The following ENPEP variants were observed in gnomAD, a reference collection of about 807,000 sequenced individuals.
The protein encoded by ENPEP is glutamyl aminopeptidase, also known as AP-A.
In ENPEP, 103 loss-of-function variants were observed where a neutral mutation model predicts 114.5. The ratio of observed to expected loss-of-function variants is 0.90; its 90% CI spans 0.77 to 1.06. The LOEUF (loss-of-function observed/expected upper bound fraction) is 1.06. Ranked by LOEUF, ENPEP falls within the 50% of genes least tolerant of loss-of-function variation. ENPEP has a pLI of 0.00. For synonymous variants in ENPEP, 420 were observed against 422.0 expected, an observed-to-expected ratio of 1.00 and a Z score of 0.06; for missense variants, 1,196 against 1,161.3, an observed-to-expected ratio of 1.03 and a Z score of -0.43.
intron 10 of ENPEP, among the ~76,000 whole-genome samples, chr4:110,526,003 T>C: frequency 6.6e-6 from 1 of 151,994 alleles, no homozygotes; most frequent in Non-Finnish European, 1.5e-5. Context: ...TGGCCGGGCG[T>C]GGTGGTTCAT....
In ENPEP at chr4:110,561,640, T is replaced by A. The variant is rs1373041639; in HGVS notation, c.*82T>A. The A allele has an allele frequency of 2.3e-6, 3 of 1,327,650 alleles. No homozygotes were observed. Among genetic ancestry groups the A allele is most frequent in the Non-Finnish European group, 3.1e-6 (3 of 957,572 alleles). 82.2% of individuals were successfully genotyped at this position (1,327,650 alleles called of 1,614,324 possible). A position where few individuals can be genotyped will look rare whatever the true frequency, so the allele number is the denominator to read the frequency against. ...TTGGTGGCCTAATTTACAAGCACGA[T>A]GGAGAGAGCCTTATAAACAGATAAT... On this transcript the variant is annotated 3_prime_UTR_variant, in exon 20 of 20. Transcript: ENST00000265162.
intron 1 of ENPEP, among the ~76,000 whole-genome samples, chr4:110,484,783 T>C (rs1428186676): frequency 1.4e-5 from 2 of 147,882 alleles, no homozygotes; most frequent in East Asian, 3.9e-4. Flanking sequence ...TATATATATA[T>C]ATTCATATTC....
At chr4:110,518,868 T>G (rs1191797613) in intron 8 of ENPEP, among the ~76,000 whole-genome samples, 1 of 152,174 alleles carries the variant, frequency 6.6e-6, no homozygotes, top group Non-Finnish European at 1.5e-5. Flanking sequence ...TAAATTAATT[T>G]TAAAAGATAT....
chr4:110,533,780 CTA>C (rs1018498433), intron 11 of ENPEP, among the ~76,000 whole-genome samples: 3 of 152,196 alleles, frequency 2.0e-5, no homozygotes, highest in African/African-American at 7.2e-5. Flanking sequence ...ATTGACCTAT[CTA>C]TGTCTCCCCT....
At chr4:110,537,786 A>G (rs1726694888) in intron 11 of ENPEP, among the ~76,000 whole-genome samples, 1 of 152,252 alleles carries the variant, frequency 6.6e-6, no homozygotes, top group Admixed American at 6.5e-5. Context: ...AAGACTTGAA[A>G]GTCATTCCTT....
In ENPEP at chr4:110,491,178, T is replaced by C. The variant is rs754863189; in HGVS notation, c.918+14T>C. On this transcript the variant is annotated intron_variant, in intron 3 of 19. Transcript: ENST00000265162. ...AGTGGAAAACCTGTGAGTCTCATTA[T>C]ATTTTAAAAATTTACCACCTATGCA... 1.9e-6 allele frequency: 3 copies of C among 1,581,132 alleles called. No homozygotes were observed. Among genetic ancestry groups the C allele is most frequent in the African/African-American group, 1.4e-5 (1 of 72,684 alleles).
chr4:110,491,505 T>G (rs1204442028), intron 3 of ENPEP, among the ~76,000 whole-genome samples: 1 of 152,122 alleles, frequency 6.6e-6, no homozygotes, highest in Non-Finnish European at 1.5e-5. Context: ...TGTGTACCTC[T>G]CCCAGATATA....
At chr4:110,516,877 T>C (rs963329238) in intron 8 of ENPEP, among the ~76,000 whole-genome samples, 1 of 152,204 alleles carries the variant, frequency 6.6e-6, no homozygotes, top group South Asian at 2.1e-4. Context: ...CATGAGAACA[T>C]CTTGTAACTT....
At chr4:110,507,137 C>T (rs1341049364) in intron 4 of ENPEP, among the ~76,000 whole-genome samples, 4 of 152,102 alleles carry the variant, frequency 2.6e-5, no homozygotes, top group Admixed American at 6.5e-5. Flanking sequence ...CTGTCATCAG[C>T]GAGTTAAAAA....
chr4:110,505,823 A>C (rs1725351436), intron 3 of ENPEP, among the ~76,000 whole-genome samples: 1 of 152,216 alleles, frequency 6.6e-6, no homozygotes, highest in Admixed American at 6.5e-5. Context: ...AAATGCCTAA[A>C]CACCTGTAAT....
rs192174803 is a variant in ENPEP, at chr4:110,486,707, C to T, written c.645-1834C>T. Among the ~76,000 whole-genome samples, 15 of 152,276 alleles carry T rather than the reference C, an allele frequency of 9.9e-5. No individual in the cohort carries two copies. The East Asian group carries it at 2.9e-3, about 29-fold the overall frequency. ...TTATTTGTGTGTCTCTTGTCTAACACTCTGTAAGCAGTCTGGAATCTTATC... is the reference window on the plus strand; with the variant it reads ...TTATTTGTGTGTCTCTTGTCTAACATTCTGTAAGCAGTCTGGAATCTTATC... On this transcript the variant is annotated intron_variant, in intron 1 of 19. Coordinates refer to ENST00000265162, the MANE Select transcript of ENPEP (RefSeq NM_001977.4).
chr4:110,492,234 G>T (rs1053534840), intron 3 of ENPEP, among the ~76,000 whole-genome samples: 1 of 152,096 alleles, frequency 6.6e-6, no homozygotes, highest in African/African-American at 2.4e-5. Flanking sequence ...TTAGAGATGA[G>T]AAAAATTGAA....
chr4:110,485,427 AC>A (rs1296475000), intron 1 of ENPEP, among the ~76,000 whole-genome samples: 2 of 152,164 alleles, frequency 1.3e-5, no homozygotes. Flanking sequence ...TTTCCAGAGC[AC>A]ATGGAAACAT....
chr4:110,487,959 C>T (rs1239753852), intron 1 of ENPEP, among the ~76,000 whole-genome samples: 2 of 152,180 alleles, frequency 1.3e-5, no homozygotes, highest in African/African-American at 4.8e-5. Flanking sequence ...AAGGTTACTT[C>T]ACCTAGGAGA....
chr4:110,509,601 A>G (rs1219686071), intron 4 of ENPEP, 52 bp from the exon 5 acceptor site: 5 of 1,562,018 alleles, frequency 3.2e-6, no homozygotes, highest in East Asian at 2.2e-5. Context: ...AAGAAAAGCT[A>G]TGAACAAATG....
intron 1 of ENPEP, among the ~76,000 whole-genome samples, chr4:110,480,589 A>C (rs1724277236): frequency 2.0e-5 from 3 of 152,234 alleles, no homozygotes. Context: ...AGGGATATTA[A>C]TGTGACAACC....
intron 11 of ENPEP, among the ~76,000 whole-genome samples, chr4:110,535,358 TAAA>T (rs1164679664): frequency 1.3e-5 from 2 of 152,164 alleles, no homozygotes; most frequent in Non-Finnish European, 2.9e-5. Context: ...TAATTATACA[TAAA>T]TATTTAATAC....
Position 110,515,406 on chromosome 4 carries a change from C to T in ENPEP, c.1473C>T (p.Asp491=), listed in dbSNP as rs549071605. The change falls in exon 8 of 20, where the codon GAC becomes GAT. Residue 491 remains aspartate (D), a synonymous_variant. Coordinates refer to ENST00000265162, the MANE Select transcript of ENPEP (RefSeq NM_001977.4). ...CTTCTATTTTGAGAATGCTTGAAGA[C>T]TGGATAAAACCAGAGAATTTTCAAA... ...KGSSILRMLE[D]WIKPENFQKG... 2.5e-6 allele frequency: 4 copies of T among 1,592,662 alleles called. No homozygotes were observed. Among genetic ancestry groups the T allele is most frequent in the South Asian group, 1.2e-5 (1 of 86,360 alleles).
At position 110,531,862 on chromosome 4, in the gene ENPEP, G is replaced by C. The variant is rs115299368; in HGVS notation, c.1807+585G>C. Among the ~76,000 whole-genome samples the C allele has an allele frequency of 2.7e-3, 407 of 152,070 alleles. 1 individual carries two copies. Among genetic ancestry groups the C allele is most frequent in the African/African-American group, 9.3e-3 (388 of 41,514 alleles). On this transcript the variant is annotated intron_variant, in intron 11 of 19. Coordinates refer to ENST00000265162, the MANE Select transcript of ENPEP (RefSeq NM_001977.4). ...TCCTTCTTTTTATATTTTTTCCATT[G>C]TATTTGTTTTGGTGTTTCAAAACTA...
Sources: allele counts gnomAD v4.1 joint callset (sites outside exome capture counted in the v4.1 genomes callset), GRCh38; gene constraint gnomAD v4.1.1; transcripts MANE v1.5; gene names NCBI Gene and HGNC (gene_info 2026-07-23, HGNC 2026-07-21).